The following INO80 variants were observed in gnomAD, a reference collection of about 807,000 sequenced individuals.
INO80 encodes the protein chromatin-remodeling ATPase INO80.
INO80 carries 20 observed loss-of-function variants against 203.4 expected under a neutral mutation model. The ratio of observed to expected loss-of-function variants is 0.10; its 90% CI spans 0.07 to 0.14. The LOEUF is 0.14. INO80 is among the 10% of genes least tolerant of loss of function. INO80 has a pLI of 1.00. For missense variants in INO80, 1,419 were observed against 1,914.4 expected, an observed-to-expected ratio of 0.74 and a Z score of 4.83; for synonymous variants, 726 against 685.2, an observed-to-expected ratio of 1.06 and a Z score of -0.93.
intron 33 of INO80, 51 bp from the exon 34 acceptor site, chr15:40,983,972 T>A (rs375775631): frequency 5.5e-5 from 87 of 1,586,842 alleles, no homozygotes; most frequent in Non-Finnish European, 7.4e-5. Context: ...TCACCGCCCA[T>A]GGCCTTGCAC....
chr15:41,001,751 T>G (rs1189703740), intron 28 of INO80, among the ~76,000 whole-genome samples: 1 of 152,242 alleles, frequency 6.6e-6, no homozygotes, highest in Non-Finnish European at 1.5e-5. Flanking sequence ...GGATCCTTCA[T>G]AAATAAATCT....
chr15:40,990,769 T>C (rs1323629429), intron 29 of INO80, among the ~76,000 whole-genome samples: 4 of 152,182 alleles, frequency 2.6e-5, no homozygotes, highest in African/African-American at 7.2e-5. Flanking sequence ...AAGACCAAGT[T>C]TGAACTTTCA....
intron 4 of INO80, among the ~76,000 whole-genome samples, chr15:41,092,907 T>G (rs976643741): frequency 1.1e-4 from 17 of 152,000 alleles, no homozygotes; most frequent in African/African-American, 3.9e-4. Flanking sequence ...AAAAGACATG[T>G]GCCTATAGTC....
At chr15:40,982,170 A>G (rs1327723884) in intron 35 of INO80, among the ~76,000 whole-genome samples, 1 of 152,198 alleles carries the variant, frequency 6.6e-6, no homozygotes, top group Admixed American at 6.5e-5. Flanking sequence ...AGTTTTTGAG[A>G]GAGTCTTGCT....
Position 40,997,526 on chromosome 15 carries a change from T to C in INO80, c.3570+3A>G. On this transcript the variant is annotated splice_donor_region_variant and intron_variant, in intron 29 of 35. Coordinates refer to ENST00000648947, the MANE Select transcript of INO80 (RefSeq NM_017553.3). Reference sequence around the variant, plus strand: ...TCTAGTTGATTGTGCTCTCATTACTTACTGTGTCTGCAGCAGTGAGATTGA... The same window carrying C: ...TCTAGTTGATTGTGCTCTCATTACTCACTGTGTCTGCAGCAGTGAGATTGA... 6.3e-7 allele frequency: 1 copy of C among 1,593,990 alleles called. No homozygotes were observed. Among genetic ancestry groups the C allele is most frequent in the African/African-American group, 1.3e-5 (1 of 74,682 alleles).
At chr15:41,085,670 T>C in intron 6 of INO80, 87 bp from the exon 7 acceptor site, 1 of 985,114 alleles carries the variant, frequency 1.0e-6, no homozygotes, top group Non-Finnish European at 1.5e-6. Context: ...CAAGGTTCTT[T>C]CCTTATTCCA....
intron 11 of INO80, among the ~76,000 whole-genome samples, chr15:41,072,794 T>G (rs2045343938): frequency 1.3e-5 from 2 of 151,732 alleles, no homozygotes; most frequent in Non-Finnish European, 2.9e-5. Context: ...TTTCTTTTTT[T>G]TTTTGAGATG....
chr15:41,116,077 G>A lies in INO80; in HGVS notation c.-148C>T, dbSNP rs2046031944. 5.0e-6 allele frequency: 2 copies of A among 396,488 alleles called. No individual in the cohort carries two copies. Among genetic ancestry groups the A allele is most frequent in the Non-Finnish European group, 8.9e-6 (2 of 224,658 alleles). 24.6% of individuals were successfully genotyped at this position (396,488 alleles called of 1,614,324 possible). ...CCCGCCGACGGTGGAGCCGCGGTTCGCTCTCTGAGGCCGTGGGACGGTGAC... is the reference window on the plus strand; with the variant it reads ...CCCGCCGACGGTGGAGCCGCGGTTCACTCTCTGAGGCCGTGGGACGGTGAC... On this transcript the variant is annotated 5_prime_UTR_variant, in exon 1 of 36. Transcript: ENST00000648947.
rs1461650125 is a variant in INO80, at chr15:41,087,692, G to A, written c.538-10C>T. 1 of 1,606,574 alleles carries A rather than the reference G, an allele frequency of 6.2e-7. No individual in the cohort carries two copies. The highest frequency in any genetic ancestry group is 1.1e-5 in the South Asian group (1 of 89,220). On this transcript the variant is annotated splice_polypyrimidine_tract_variant and intron_variant, in intron 5 of 35. Coordinates refer to ENST00000648947, the MANE Select transcript of INO80 (RefSeq NM_017553.3). ...ACTGATATTGCTGCAACTGAAGCAG[G>A]CAAAGACCATGATGGGCCTGTTTTC...
chr15:41,002,282 T>C (rs2043968999), intron 28 of INO80, among the ~76,000 whole-genome samples: 1 of 152,224 alleles, frequency 6.6e-6, no homozygotes, highest in African/African-American at 2.4e-5. Flanking sequence ...TTTTACTAAG[T>C]AGAGCCAAGT....
chr15:41,043,370 CAGTAGACAT>C (rs2044701258), intron 24 of INO80, among the ~76,000 whole-genome samples: 1 of 152,148 alleles, frequency 6.6e-6, no homozygotes, highest in Admixed American at 6.5e-5. Context: ...CCAGTGTTCC[CAGTAGACAT>C]ACTAGGAATA....
rs541536169 is a variant in INO80, at chr15:41,094,211, G to A, written c.381+1390C>T. The stretch of plus-strand genomic sequence containing the variant: ...AAACACTCCAACGGCTTATGCCTAC[G>A]ACAGTAAAACACGAACTCCTTAACA... On this transcript the variant is annotated intron_variant, in intron 4 of 35. Transcript: ENST00000648947. 4.7e-4 allele frequency among the ~76,000 whole-genome samples: 72 copies of A among 152,248 alleles called. 1 individual carries two copies. Among genetic ancestry groups the A allele is most frequent in the Middle Eastern group, 6.8e-3 (2 of 294 alleles).
At chr15:40,983,161 G>C in intron 34 of INO80, 84 bp from the exon 35 acceptor site, 2 of 1,137,844 alleles carry the variant, frequency 1.8e-6, no homozygotes, top group East Asian at 5.1e-5. Flanking sequence ...TCCTGACAGG[G>C]AAAGCGAGCT....
chr15:41,064,364 G>A (rs191454566), intron 14 of INO80, among the ~76,000 whole-genome samples: 7 of 152,312 alleles, frequency 4.6e-5, no homozygotes, highest in Admixed American at 4.6e-4. Context: ...TCCACTGTTT[G>A]AAAATTATGA....
rs10572892 is a variant in INO80, at chr15:40,998,016, CTTTTTTTTT to C, written c.3498-424_3498-416del. Among the ~76,000 whole-genome samples the C allele has an allele frequency of 4.8e-3, 360 of 75,190 alleles. 2 individuals are homozygous for C. The highest frequency in any genetic ancestry group is 0.029 in the South Asian group (55 of 1,896). 49.3% of individuals were successfully genotyped at this position (75,190 alleles called of 152,430 possible). ...ACTAATGTTATTATTCCAAAACACTCTTTTTTTTTTTTTTTTTTTTTTTTAGACGTAGTC... is the reference window on the plus strand; with the variant it reads ...ACTAATGTTATTATTCCAAAACACTCTTTTTTTTTTTTTTTAGACGTAGTC... On this transcript the variant is annotated intron_variant, in intron 28 of 35. Coordinates refer to ENST00000648947, the MANE Select transcript of INO80 (RefSeq NM_017553.3).
intron 35 of INO80, among the ~76,000 whole-genome samples, 191 bp from the exon 36 acceptor site, chr15:40,980,631 T>C (rs933760383): frequency 3.9e-5 from 6 of 152,152 alleles, no homozygotes; most frequent in Admixed American, 6.5e-5. Flanking sequence ...GTAAGAGGAA[T>C]AGATTTTTAA....
chr15:41,104,252 TCATCTGAC>T (rs2045850332), intron 1 of INO80, among the ~76,000 whole-genome samples: 1 of 150,570 alleles, frequency 6.6e-6, no homozygotes, highest in South Asian at 2.1e-4. Context: ...AAAATAAAAT[TCATCTGAC>T]CAGAGGCTCA....
chr15:41,096,074 T>C, intron 2 of INO80, 94 bp downstream of exon 2: 1 of 1,434,496 alleles, frequency 7.0e-7, no homozygotes, highest in Non-Finnish European at 9.3e-7. Context: ...ATATCAAACA[T>C]AAAAATCATA....
intron 7 of INO80, among the ~76,000 whole-genome samples, 180 bp from the exon 8 acceptor site, chr15:41,081,253 A>C (rs1566941698): frequency 6.6e-6 from 1 of 152,330 alleles, no homozygotes; most frequent in East Asian, 1.9e-4. Flanking sequence ...ACGATTAAAG[A>C]AGCATTCAAG....
Sources: gnomAD v4.1 joint callset for allele counts (sites outside exome capture counted in the v4.1 genomes callset) on GRCh38, gnomAD v4.1.1 for gene constraint, MANE v1.5 for transcripts, NCBI Gene and HGNC (gene_info 2026-07-23, HGNC 2026-07-21) for gene names.